SPATA6: variants seen among roughly 807,000 people sequenced by gnomAD.
SPATA6 encodes spermatogenesis-associated protein 6.
In SPATA6, 56 loss-of-function variants were observed where a neutral mutation model predicts 65.3. The ratio of observed to expected loss-of-function variants is 0.86; its 90% CI spans 0.69 to 1.07. The LOEUF is 1.07. Among genes scored for constraint, SPATA6 ranks in the 50% least tolerant of loss-of-function variants. The pLI, the probability that SPATA6 is intolerant of heterozygous loss-of-function variation, is 0.00. For synonymous variants in SPATA6, 199 were observed against 213.2 expected, an observed-to-expected ratio of 0.93 and a Z score of 0.58; for missense variants, 590 against 594.8, an observed-to-expected ratio of 0.99 and a Z score of 0.08.
chr1:48,321,708 C>T (rs1645603413), intron 11 of SPATA6, among the ~76,000 whole-genome samples: 1 of 152,128 alleles, frequency 6.6e-6, no homozygotes, highest in Non-Finnish European at 1.5e-5. Flanking sequence ...CTAAGGGCTG[C>T]AGAATACAGA....
At chr1:48,328,262 A>G (rs1160405091) in intron 11 of SPATA6, among the ~76,000 whole-genome samples, 7 of 152,162 alleles carry the variant, frequency 4.6e-5, no homozygotes, top group African/African-American at 1.7e-4. Context: ...TAGTTTGGCA[A>G]TTCCTCAAAA....
chr1:48,279,654 C>A, the SPATA6 span, among the ~76,000 whole-genome samples: 5 of 152,106 alleles, frequency 3.3e-5, no homozygotes, highest in South Asian at 2.1e-4. Context: ...TATATGCACC[C>A]AATACAGGAG....
the SPATA6 span, among the ~76,000 whole-genome samples, chr1:48,277,908 G>A: frequency 6.6e-6 from 1 of 152,222 alleles, no homozygotes; most frequent in African/African-American, 2.4e-5. Flanking sequence ...TGACCAATGA[G>A]CAGCCTAACT....
At position 48,298,868 on chromosome 1, in the gene SPATA6, A is replaced by C; in HGVS notation, c.1312T>G (p.Phe438Val). Reference sequence around the variant, plus strand: ...CAGTATTCACCGTCATCCAAATGGAAAGTGCCACGTGGCTGCTGACATGAG... The same window carrying C: ...CAGTATTCACCGTCATCCAAATGGACAGTGCCACGTGGCTGCTGACATGAG... ...YSSCQQPRGT[F>V]HLDDGEYWSN... Residue 438 changes from phenylalanine to valine, a missense_variant, in exon 13 of 13, where the codon TTC becomes GTC. Phe to Val is a conservative substitution (Grantham distance 50). Transcript: ENST00000371847. 1 of 1,613,520 alleles carries C rather than the reference A, an allele frequency of 6.2e-7. No homozygotes were observed. Among genetic ancestry groups the C allele is most frequent in the Non-Finnish European group, 8.5e-7 (1 of 1,179,822 alleles).
At position 48,298,023 on chromosome 1, in the gene SPATA6, A is replaced by G. The variant is rs1344258880; in HGVS notation, c.*690T>C. ...ATGGCCCTAGAAAAAAAATCATGCA[A>G]AGAATTTTATCTTTAAAAATTAGTT... On this transcript the variant is annotated 3_prime_UTR_variant, in exon 13 of 13. Coordinates refer to ENST00000371847, the MANE Select transcript of SPATA6 (RefSeq NM_019073.4). The G allele has an allele frequency of 2.0e-5, 3 of 152,198 alleles. No homozygotes were observed. Among genetic ancestry groups the G allele is most frequent in the Non-Finnish European group, 4.4e-5 (3 of 68,034 alleles). The allele number at this position is 152,198 out of a possible 1,614,324, so 9.4% of individuals were successfully genotyped here. A position where few individuals can be genotyped will look rare whatever the true frequency, so the allele number is the denominator to read the frequency against.
intron 11 of SPATA6, among the ~76,000 whole-genome samples, chr1:48,349,470 T>G (rs1341818085): frequency 6.6e-6 from 1 of 151,986 alleles, no homozygotes; most frequent in Non-Finnish European, 1.5e-5. Context: ...ATTATGATAG[T>G]CATTACATCC....
At chr1:48,418,738 GAGGAAGGA>G in intron 3 of SPATA6, among the ~76,000 whole-genome samples, 1 of 140,256 alleles carries the variant, frequency 7.1e-6, no homozygotes, top group African/African-American at 2.6e-5. Context: ...GAAAGCAAGA[GAGGAAGGA>G]AGGAAGGAGG....
At chr1:48,291,621 T>C (rs1470602813), downstream of SPATA6, among the ~76,000 whole-genome samples, 3 of 152,196 alleles carry the variant, frequency 2.0e-5, no homozygotes, top group Non-Finnish European at 2.9e-5. Context: ...ACTGAGTTTA[T>C]TTCCAGGCAG....
intron 11 of SPATA6, among the ~76,000 whole-genome samples, chr1:48,338,746 C>T (rs1423640333): frequency 6.6e-6 from 1 of 152,050 alleles, no homozygotes; most frequent in African/African-American, 2.4e-5. Flanking sequence ...AATTCTCAAG[C>T]TGTGCCAGGT....
At position 48,399,553 on chromosome 1, in the gene SPATA6, G is replaced by A; in HGVS notation, c.578C>T (p.Ser193Leu). 2.5e-6 allele frequency: 4 copies of A among 1,612,930 alleles called. No individual in the cohort carries two copies. Among genetic ancestry groups the A allele is most frequent in the Non-Finnish European group, 3.4e-6 (4 of 1,179,328 alleles). Residue 193 changes from serine (S) to leucine (L), a missense_variant, in exon 7 of 13, where the codon TCA becomes TTA. Physicochemically the swap from Ser to Leu is moderately radical, Grantham distance 145 (BLOSUM62 -2). Transcript: ENST00000371847. ...TSRSQKKKSK[S>L]PERSKYCINA... ...TATACAGTATTTACTTCTCTCAGGT[G>A]ACTTGGATTTTTTCTTTTGTGATCT...
At chr1:48,382,366 G>T (rs1406974760) in intron 9 of SPATA6, among the ~76,000 whole-genome samples, 1 of 109,182 alleles carries the variant, frequency 9.2e-6, no homozygotes, top group Non-Finnish European at 1.9e-5. Flanking sequence ...CGGACGGGGC[G>T]GCTGGCCAGG....
At chr1:48,312,270 C>T (rs929783384) in intron 11 of SPATA6, among the ~76,000 whole-genome samples, 1 of 152,180 alleles carries the variant, frequency 6.6e-6, no homozygotes, top group Non-Finnish European at 1.5e-5. Flanking sequence ...ACTACCTCCT[C>T]AAGTGGGTCC....
downstream of SPATA6, among the ~76,000 whole-genome samples, chr1:48,293,277 G>C (rs957384518): frequency 3.3e-5 from 5 of 152,204 alleles, no homozygotes; most frequent in East Asian, 7.7e-4. Context: ...GTAACATTTG[G>C]TAATGAGCTG....
intron 9 of SPATA6, among the ~76,000 whole-genome samples, chr1:48,367,888 C>G (rs1028140799): frequency 6.6e-6 from 1 of 152,048 alleles, no homozygotes; most frequent in Non-Finnish European, 1.5e-5. Flanking sequence ...TTTCTTCCAG[C>G]CTTCATGATC....
intron 9 of SPATA6, among the ~76,000 whole-genome samples, chr1:48,362,704 C>G (rs72893251): frequency 0.026 from 3,917 of 152,024 alleles, 109 homozygotes; most frequent in African/African-American, 0.071. Context: ...CTTAATGGTG[C>G]AGGTCTCACT....
chr1:48,308,976 C>T (rs1282772993), intron 11 of SPATA6, among the ~76,000 whole-genome samples: 1 of 152,094 alleles, frequency 6.6e-6, no homozygotes, highest in African/African-American at 2.4e-5. Flanking sequence ...GCCTTGAACT[C>T]CTGGGCTCAA....
intron 3 of SPATA6, among the ~76,000 whole-genome samples, chr1:48,445,340 C>T (rs890812707): frequency 6.6e-6 from 1 of 152,156 alleles, no homozygotes; most frequent in African/African-American, 2.4e-5. Context: ...CTCCTTTCCC[C>T]TTCCATTACA....
intron 9 of SPATA6, among the ~76,000 whole-genome samples, chr1:48,370,882 C>T (rs1047491872): frequency 3.9e-5 from 6 of 152,126 alleles, no homozygotes; most frequent in Admixed American, 6.6e-5. Flanking sequence ...GATGGGCTCA[C>T]GATATGATTT....
rs144588885 is a variant in SPATA6 at position 48,411,587 on chromosome 1, C to A, written c.282G>T (p.Val94=). The A allele has an allele frequency of 5.3e-5, 84 of 1,577,998 alleles. No homozygotes were observed. The highest frequency in any genetic ancestry group is 7.1e-5 in the Non-Finnish European group (83 of 1,164,128). ...VFELIQLVPP[V]GETLSTYDEN... ...CGTCATACGTAGACAGTGTTTCACCCACTACAAGAAAGATACCCTATGATT... is the reference window on the plus strand; with the variant it reads ...CGTCATACGTAGACAGTGTTTCACCAACTACAAGAAAGATACCCTATGATT... Residue 94 remains valine (V), a splice_region_variant and synonymous_variant, in exon 5 of 13, where the codon GTG becomes GTT. Coordinates refer to ENST00000371847, the MANE Select transcript of SPATA6 (RefSeq NM_019073.4).
Sources: allele counts gnomAD v4.1 joint callset (sites outside exome capture counted in the v4.1 genomes callset), GRCh38; gene constraint gnomAD v4.1.1; transcripts MANE v1.5; gene names NCBI Gene and HGNC (gene_info 2026-07-23, HGNC 2026-07-21).